Variants in LCORL observed in about 807,000 individuals in gnomAD.
LCORL encodes the protein ligand dependent nuclear receptor corepressor like.
LCORL carries 41 observed loss-of-function variants against 141.8 expected under a neutral mutation model. That is an observed-to-expected ratio of 0.29 (90% CI 0.23 to 0.38). The LOEUF (loss-of-function observed/expected upper bound fraction) is 0.38, where lower values mean the gene tolerates loss of function less well. Among genes scored for constraint, LCORL ranks in the 10% least tolerant of loss-of-function variants. The probability of loss-of-function intolerance (pLI) is 1.00; values close to 1 mark genes in which losing one functional copy is unlikely to be tolerated. For synonymous variants in LCORL, 618 were observed against 694.1 expected (o/e 0.89, Z 1.72); for missense variants, 1,759 against 2,035.0 (o/e 0.86, Z 2.61).
intron 7 of LCORL, among the ~76,000 whole-genome samples, chr4:17,852,911 T>C (rs919732799): frequency 1.2e-4 from 19 of 152,300 alleles, no homozygotes; most frequent in South Asian, 2.1e-4. Context: ...GCAATGTTCA[T>C]TTCTGTCATA....
At chr4:17,875,342 A>G (rs1726808004) in exon 7 of LCORL, 1 of 1,231,350 alleles carries the variant, frequency 8.1e-7, no homozygotes, top group South Asian at 4.1e-5. Context: ...TGGGTCTCAC[A>G]TATTCAAAGC....
intron 1 of LCORL, among the ~76,000 whole-genome samples, chr4:18,000,267 C>A (rs1013794469): frequency 9.6e-4 from 145 of 151,744 alleles, no homozygotes; most frequent in Admixed American, 2.0e-4. Context: ...CACACACATA[C>A]ACTTTGAACT....
intron 4 of LCORL, among the ~76,000 whole-genome samples, chr4:17,932,564 T>C (rs1313102090): frequency 2.6e-5 from 4 of 152,276 alleles, no homozygotes; most frequent in Admixed American, 6.5e-5. Flanking sequence ...GCTTTAGCCT[T>C]AAATAAAATA....
chr4:17,949,048 A>G lies in LCORL; in HGVS notation c.430+12855T>C, dbSNP rs539506131. Among the ~76,000 whole-genome samples, 14 of 152,142 alleles carry G rather than the reference A, an allele frequency of 9.2e-5. No individual in the cohort carries two copies. The East Asian group carries it at 2.1e-3, about 23-fold the overall frequency. On this transcript the variant is annotated intron_variant, in intron 4 of 7. Coordinates refer to ENST00000635767, the Ensembl canonical transcript of LCORL. ...GTACTGTCCAGCAACAAAGTCTCCT[A>G]TTTTTAGTACCCTAATTCCCCCTTT... is the stretch of plus-strand genomic sequence containing the variant.
At chr4:17,912,313 C>T in intron 4 of LCORL, 1 of 678,430 alleles carries the variant, frequency 1.5e-6, no homozygotes, top group Non-Finnish European at 2.8e-6. Context: ...GATCGAGGCT[C>T]TCAAAGAGGA....
chr4:17,987,308 A>G (rs1299042438), intron 1 of LCORL, among the ~76,000 whole-genome samples: 1 of 152,212 alleles, frequency 6.6e-6, no homozygotes, highest in African/African-American at 2.4e-5. Flanking sequence ...TAAAGAGAAT[A>G]TCACATATGC....
rs559861488 is a variant in LCORL at position 17,906,933 on chromosome 4, C to T, written c.682+2161G>A. ...TCTTGACCTCGTGATCCACCCACCT[C>T]AGCCTCCCAAAGTGCTGGGATTACA... On this transcript the variant is annotated intron_variant, in intron 5 of 7. Coordinates refer to ENST00000635767, the Ensembl canonical transcript of LCORL. 5.3e-5 allele frequency among the ~76,000 whole-genome samples: 8 copies of T among 152,290 alleles called. No individual in the cohort carries two copies. In the East Asian group the frequency reaches 1.4e-3, roughly 26 times the overall value.
chr4:17,950,830 T>A (rs1739604222), intron 4 of LCORL, among the ~76,000 whole-genome samples: 1 of 151,848 alleles, frequency 6.6e-6, no homozygotes, highest in African/African-American at 2.4e-5. Context: ...ACAAATAAAA[T>A]GTTTGTTGTT....
intron 4 of LCORL, among the ~76,000 whole-genome samples, chr4:17,930,751 T>C (rs1380967607): frequency 6.6e-6 from 1 of 152,208 alleles, no homozygotes. Context: ...TGATTAGTCC[T>C]TAGGAAAATG....
At chr4:18,019,182 T>C (rs974845272) in intron 1 of LCORL, among the ~76,000 whole-genome samples, 3 of 152,198 alleles carry the variant, frequency 2.0e-5, no homozygotes, top group African/African-American at 7.2e-5. Flanking sequence ...CTACTAAAAA[T>C]ACTAAAATTA....
At chr4:17,958,869 A>G (rs1365170815) in intron 4 of LCORL, among the ~76,000 whole-genome samples, 1 of 151,944 alleles carries the variant, frequency 6.6e-6, no homozygotes, top group African/African-American at 2.4e-5. Context: ...TATTATGGAG[A>G]TTTTCATTCT....
chr4:17,997,720 C>A (rs1436495500), intron 1 of LCORL, among the ~76,000 whole-genome samples: 1 of 151,840 alleles, frequency 6.6e-6, no homozygotes, highest in Non-Finnish European at 1.5e-5. Context: ...GAATAAAGAG[C>A]TAAAGCCTAA....
chr4:17,849,051 C>G (rs1484924987), intron 7 of LCORL, among the ~76,000 whole-genome samples: 1 of 152,262 alleles, frequency 6.6e-6, no homozygotes, highest in Non-Finnish European at 1.5e-5. Context: ...GTGGAGCCCA[C>G]CACAGCTCAA....
intron 4 of LCORL, among the ~76,000 whole-genome samples, chr4:17,947,864 A>T (rs958354092): frequency 1.3e-5 from 2 of 151,956 alleles, no homozygotes; most frequent in Non-Finnish European, 2.9e-5. Flanking sequence ...TGCATATACA[A>T]TGTGTTACAG....
intron 1 of LCORL, among the ~76,000 whole-genome samples, chr4:18,011,208 T>C (rs1723713956): frequency 6.6e-6 from 1 of 152,122 alleles, no homozygotes; most frequent in South Asian, 2.1e-4. Context: ...CTTCCATCTT[T>C]CTCCTTGTTT....
chr4:17,861,141 G>T (rs958228155), intron 7 of LCORL, among the ~76,000 whole-genome samples: 2 of 152,194 alleles, frequency 1.3e-5, no homozygotes, highest in South Asian at 2.1e-4. Context: ...GACTCTGTGT[G>T]GGGGCTGTGA....
intron 4 of LCORL, among the ~76,000 whole-genome samples, chr4:17,930,343 CA>C (rs1198751949): frequency 2.0e-5 from 3 of 152,176 alleles, no homozygotes; most frequent in African/African-American, 7.2e-5. Flanking sequence ...TTTCCACACA[CA>C]AACACGAAGT....
At chr4:17,924,306 G>A (rs1355796193) in intron 4 of LCORL, among the ~76,000 whole-genome samples, 3 of 152,192 alleles carry the variant, frequency 2.0e-5, no homozygotes, top group Non-Finnish European at 4.4e-5. Context: ...AGCCACCCAT[G>A]TCATCGCCCA....
At chr4:17,961,696 A>C (rs1418163033) in intron 4 of LCORL, among the ~76,000 whole-genome samples, 1 of 152,036 alleles carries the variant, frequency 6.6e-6, no homozygotes, top group African/African-American at 2.4e-5. Flanking sequence ...TTGAAAATAG[A>C]ATGCTGAACA....
Sources: gnomAD v4.1 joint callset for allele counts (sites outside exome capture counted in the v4.1 genomes callset) on GRCh38, gnomAD v4.1.1 for gene constraint, MANE v1.5 for transcripts, NCBI Gene and HGNC (gene_info 2026-07-23, HGNC 2026-07-21) for gene names.